The following NPHP4 variants were observed in gnomAD, a reference collection of about 807,000 sequenced individuals.
The protein encoded by NPHP4 is nephrocystin 4, also known as nephrocystin-4.
NPHP4 carries 151 observed loss-of-function variants against 155.8 expected under a neutral mutation model. The observed-to-expected ratio is 0.97, with a 90% CI of 0.85 to 1.11. The LOEUF (loss-of-function observed/expected upper bound fraction) is 1.11. Among genes scored for constraint, NPHP4 ranks in the 50% least tolerant of loss-of-function variants. The pLI is 0.00. For missense variants in NPHP4, 1,956 were observed against 1,925.7 expected, an observed-to-expected ratio of 1.02 and a Z score of -0.29; for synonymous variants, 845 against 816.8, an observed-to-expected ratio of 1.03 and a Z score of -0.59.
chr1:5,943,958 G>A (rs1187086970), intron 9 of NPHP4, among the ~76,000 whole-genome samples: 1 of 152,134 alleles, frequency 6.6e-6, no homozygotes, highest in Non-Finnish European at 1.5e-5. Context: ...GATAAATTGG[G>A]GGTTGGAGGT....
chr1:5,925,714 C>T (rs1187829502), intron 11 of NPHP4, among the ~76,000 whole-genome samples: 1 of 152,118 alleles, frequency 6.6e-6, no homozygotes, highest in African/African-American at 2.4e-5. Context: ...CTCCTGGGTT[C>T]ACGCCGTTCT....
chr1:5,906,094 A>T (rs369553925), intron 13 of NPHP4, among the ~76,000 whole-genome samples: 11 of 152,150 alleles, frequency 7.2e-5, no homozygotes, highest in African/African-American at 2.7e-4. Flanking sequence ...AGCGGTGAGG[A>T]GGGAATCCTA....
chr1:5,867,601 G>C lies in NPHP4; in HGVS notation c.3472+139C>G, dbSNP rs1641378612. ...CGTTTCAAACCATAAAGGCAGGAGA[G>C]AGAATTCCCCAGGCCCCACGTGCTG... On this transcript the variant is annotated intron_variant, in intron 24 of 29. Coordinates refer to ENST00000378156, the MANE Select transcript of NPHP4 (RefSeq NM_015102.5). The surrounding 1 kb of genome is among the most constrained non-coding windows in gnomAD (Gnocchi z 4.1). The C allele has an allele frequency of 2.4e-6, 2 of 837,886 alleles. No homozygotes were observed. The highest frequency in any genetic ancestry group is 2.6e-5 in the Admixed American group (1 of 39,092). The allele number at this position is 837,886 out of a possible 1,614,324, so 51.9% of individuals were successfully genotyped here. A position where few individuals can be genotyped will look rare whatever the true frequency, so the allele number is the denominator to read the frequency against.
At chr1:5,990,055 G>T (rs1413904786) in intron 1 of NPHP4, among the ~76,000 whole-genome samples, 1 of 152,228 alleles carries the variant, frequency 6.6e-6, no homozygotes, top group Admixed American at 6.5e-5. Flanking sequence ...AGCGCCCGCA[G>T]CAGCTCTCAC....
At chr1:5,903,786 A>C (rs1368351210) in intron 16 of NPHP4, among the ~76,000 whole-genome samples, 1 of 152,206 alleles carries the variant, frequency 6.6e-6, no homozygotes, top group African/African-American at 2.4e-5. Context: ...ATCCCAGCTA[A>C]CAAACAAGGG....
intron 23 of NPHP4, among the ~76,000 whole-genome samples, chr1:5,869,669 T>G (rs1354322379): frequency 6.6e-6 from 1 of 152,216 alleles, no homozygotes; most frequent in Non-Finnish European, 1.5e-5. Flanking sequence ...CACTGACAGA[T>G]AGTGTCTAGC....
intron 2 of NPHP4, among the ~76,000 whole-genome samples, chr1:5,980,436 T>TGCGTTCAGG (rs1350651410): frequency 6.6e-6 from 1 of 152,212 alleles, no homozygotes; most frequent in African/African-American, 2.4e-5. Context: ...CAGGCAGGCC[T>TGCGTTCAGG]CACGGCGCGA....
intron 16 of NPHP4, among the ~76,000 whole-genome samples, chr1:5,897,653 G>A (rs1404684272): frequency 6.6e-6 from 1 of 152,106 alleles, no homozygotes; most frequent in Non-Finnish European, 1.5e-5. Flanking sequence ...AGTGTCACTG[G>A]AAAAGAATGC....
chr1:5,879,632 C>T (rs1642999650), intron 19 of NPHP4: 1 of 518,770 alleles, frequency 1.9e-6, no homozygotes. Flanking sequence ...CAGAGCCCAG[C>T]CTAGAGCACC....
chr1:5,878,935 C>CT (rs1642902472), intron 19 of NPHP4, among the ~76,000 whole-genome samples: 1 of 152,248 alleles, frequency 6.6e-6, no homozygotes, highest in South Asian at 2.1e-4. Flanking sequence ...AAGTTCACCC[C>CT]TTAGCCACGG....
intron 5 of NPHP4, among the ~76,000 whole-genome samples, chr1:5,964,941 A>T (rs6670542): frequency 0.53 from 31,799 of 59,872 alleles, 9,488 homozygotes; most frequent in East Asian, 0.84. Flanking sequence ...ATATATATAT[A>T]TTTTTTTTTT....
chr1:5,958,594 C>T (rs187780860), intron 6 of NPHP4, among the ~76,000 whole-genome samples: 63 of 151,734 alleles, frequency 4.2e-4, no homozygotes, highest in African/African-American at 1.4e-3. Flanking sequence ...ACTCGGGAGG[C>T]TGAGGGAGGA....
At chr1:5,970,246 G>A (rs1434430819) in intron 3 of NPHP4, among the ~76,000 whole-genome samples, 2 of 152,152 alleles carry the variant, frequency 1.3e-5, no homozygotes, top group South Asian at 2.1e-4. Context: ...GCTCGCACCT[G>A]TAATCCCAGC....
At position 5,865,230 on chromosome 1, in the gene NPHP4, G is replaced by A; in HGVS notation, c.3688C>T (p.Leu1230Phe). 1 of 1,595,184 alleles carries A rather than the reference G, an allele frequency of 6.3e-7. No homozygotes were observed. The highest frequency in any genetic ancestry group is 8.6e-7 in the Non-Finnish European group (1 of 1,167,506). ...ACATCCACGCGCTGCAGGGAGTGGAGGTAGACCTGCCACGTCTGTGTGGGT... is the reference window on the plus strand; with the variant it reads ...ACATCCACGCGCTGCAGGGAGTGGAAGTAGACCTGCCACGTCTGTGTGGGT... Reference protein sequence around the residue: ...ATPTQTWQVYLHSLQRVDVSC... With the variant: ...ATPTQTWQVYFHSLQRVDVSC... Residue 1230 changes from leucine to phenylalanine, a missense_variant, in exon 27 of 30, where the codon CTC becomes TTC. Physicochemically the swap from Leu to Phe is conservative, Grantham distance 22. Transcript: ENST00000378156.
At chr1:5,887,753 T>C (rs1199023033) in intron 17 of NPHP4, among the ~76,000 whole-genome samples, 1 of 152,036 alleles carries the variant, frequency 6.6e-6, no homozygotes, top group East Asian at 1.9e-4. Context: ...TGGGAAGGCA[T>C]AAGTGGGTCT....
intron 10 of NPHP4, among the ~76,000 whole-genome samples, chr1:5,930,256 T>A (rs137868782): frequency 2.6e-5 from 4 of 152,288 alleles, no homozygotes; most frequent in Non-Finnish European, 5.9e-5. Context: ...TTTCACTGGG[T>A]TTTTGCTATT....
In NPHP4 at chr1:5,873,257, CGT is replaced by C; in HGVS notation, c.3308_3309del (p.His1103ArgfsTer63). On this transcript the variant is annotated frameshift_variant, in exon 23 of 30. Transcript: ENST00000378156. LOFTEE classifies it high-confidence loss of function. ...PWKSSAVPTK[H>X]AKVLFRASGG... ...GTCCTCCGTTGCCCCTTTACCTTGG[CGT>C]GTTTAGTGGGCACTGCGCTGGACTT... 1 of 1,613,306 alleles carries C rather than the reference CGT, an allele frequency of 6.2e-7. No individual in the cohort carries two copies. The highest frequency in any genetic ancestry group is 8.5e-7 in the Non-Finnish European group (1 of 1,179,268).
chr1:5,923,115 C>T (rs959272923), intron 11 of NPHP4, among the ~76,000 whole-genome samples: 5 of 152,190 alleles, frequency 3.3e-5, no homozygotes, highest in Admixed American at 6.5e-5. Flanking sequence ...CCGGAAAACA[C>T]GCAGCATGGT....
At chr1:5,875,133 C>A in intron 20 of NPHP4, 33 bp from the exon 21 acceptor site, 1 of 1,510,340 alleles carries the variant, frequency 6.6e-7, no homozygotes. Context: ...GGACAGGGTC[C>A]CAGGCACACT....
Sources: gnomAD v4.1 joint callset for allele counts (sites outside exome capture counted in the v4.1 genomes callset) on GRCh38, gnomAD v4.1.1 for gene constraint, Gnocchi (gnomAD v3.1) non-coding constraint, MANE v1.5 for transcripts, NCBI Gene and HGNC (gene_info 2026-07-23, HGNC 2026-07-21) for gene names.